GRIP1: variants seen among roughly 807,000 people sequenced by gnomAD.
GRIP1 encodes the protein glutamate receptor-interacting protein 1.
In GRIP1, 45 loss-of-function variants were observed where a neutral mutation model predicts 129.9. That is an observed-to-expected ratio of 0.35 (90% CI 0.27 to 0.44). GRIP1 has a LOEUF of 0.44. Among genes scored for constraint, GRIP1 ranks in the 20% least tolerant of loss-of-function variants. GRIP1 has a pLI of 1.00. For synonymous variants in GRIP1, 530 were observed against 520.8 expected (o/e 1.02, Z -0.24); for missense variants, 1,196 against 1,396.8 (o/e 0.86, Z 2.29).
chr12:66,589,493 A>C (rs1177641234), intron 2 of GRIP1, among the ~76,000 whole-genome samples: 1 of 152,188 alleles, frequency 6.6e-6, no homozygotes, highest in Non-Finnish European at 1.5e-5. Flanking sequence ...TCTTCTGAGA[A>C]GCATCTCATT....
chr12:66,716,282 T>C (rs2035884773), intron 1 of GRIP1, among the ~76,000 whole-genome samples: 2 of 152,034 alleles, frequency 1.3e-5, no homozygotes, highest in Admixed American at 1.3e-4. Context: ...GAATTTTTAA[T>C]TAGCAGGAAA....
intron 1 of GRIP1, among the ~76,000 whole-genome samples, chr12:66,924,948 C>A (rs565754790): frequency 6.6e-6 from 1 of 151,966 alleles, no homozygotes; most frequent in East Asian, 1.9e-4. Flanking sequence ...CTAGCCTGGG[C>A]GACAGAGCGA....
intron 14 of GRIP1, among the ~76,000 whole-genome samples, chr12:66,424,316 C>A (rs915028569): frequency 6.6e-6 from 1 of 152,134 alleles, no homozygotes; most frequent in African/African-American, 2.4e-5. Flanking sequence ...AATGTATTTT[C>A]TTTGTACCAA....
chr12:66,999,071 A>G (rs1196553269), intron 1 of GRIP1, among the ~76,000 whole-genome samples: 1 of 152,130 alleles, frequency 6.6e-6, no homozygotes, highest in Non-Finnish European at 1.5e-5. Context: ...TCTCTACCAC[A>G]TTCAGACATT....
chr12:66,480,313 T>G (rs1158137487), intron 7 of GRIP1, among the ~76,000 whole-genome samples: 1 of 152,110 alleles, frequency 6.6e-6, no homozygotes, highest in African/African-American at 2.4e-5. Context: ...CATTCACAAC[T>G]GCTACAAAGT....
Position 66,456,226 on chromosome 12 carries a change from C to A in GRIP1, c.1159G>T (p.Ala387Ser), listed in dbSNP as rs769183713. 7.8e-7 allele frequency: 1 copy of A among 1,289,598 alleles called. No individual in the cohort carries two copies. 79.9% of individuals were successfully genotyped at this position (1,289,598 alleles called of 1,614,324 possible). ...TYHPDHCRVP[A>S]LTFPKAPPPN... Reference sequence around the variant, plus strand: ...GGAGGTGCTTTCGGGAATGTCAGGGCTGGTACTCTGCAATGGTCAGGGTGG... The same window carrying A: ...GGAGGTGCTTTCGGGAATGTCAGGGATGGTACTCTGCAATGGTCAGGGTGG... Residue 387 changes from alanine to serine, a missense_variant, in exon 10 of 25, where the codon GCC (alanine) becomes TCC (serine). Physicochemically the swap from Ala to Ser is moderately conservative, Grantham distance 99 (BLOSUM62 1). Around this residue, in one of 5 missense-constraint regions of GRIP1, gnomAD observed 508 missense variants for 587.0 expected, o/e 0.87. Transcript: ENST00000359742.
chr12:66,885,015 T>G (rs2040541399), intron 1 of GRIP1, among the ~76,000 whole-genome samples: 1 of 152,146 alleles, frequency 6.6e-6, no homozygotes, highest in African/African-American at 2.4e-5. Flanking sequence ...ACTTAGAGGT[T>G]TTCTGCTGAA....
chr12:66,828,668 CATATTA>C lies in GRIP1; in HGVS notation c.59-231747_59-231742del, dbSNP rs2039461167. Among the ~76,000 whole-genome samples, 3 of 152,150 alleles carry C rather than the reference CATATTA, an allele frequency of 2.0e-5. No individual in the cohort carries two copies. The South Asian group carries it at 6.2e-4, about 32-fold the overall frequency. On this transcript the variant is annotated intron_variant, in intron 1 of 1. Transcript: ENST00000643019. Reference sequence around the variant, plus strand: ...AGTTTTATCTTTCTTTTGCAATAGACATATTAATATTAACACCTTCCCTTCAAAATT... The same window carrying C: ...AGTTTTATCTTTCTTTTGCAATAGACATATTAACACCTTCCCTTCAAAATT...
chr12:66,382,247 G>C (rs2056144627), intron 19 of GRIP1, among the ~76,000 whole-genome samples: 1 of 152,014 alleles, frequency 6.6e-6, no homozygotes, highest in South Asian at 2.1e-4. Flanking sequence ...AAAAGTAACT[G>C]GGCATGGTTA....
intron 1 of GRIP1, among the ~76,000 whole-genome samples, chr12:66,977,963 C>G (rs1188570835): frequency 6.6e-6 from 1 of 151,748 alleles, no homozygotes; most frequent in East Asian, 1.9e-4. Flanking sequence ...CACGTGCACA[C>G]TACCATAACT....
intron 23 of GRIP1, among the ~76,000 whole-genome samples, chr12:66,370,110 C>T (rs2055401901): frequency 6.6e-6 from 1 of 152,210 alleles, no homozygotes; most frequent in South Asian, 2.1e-4. Flanking sequence ...CTGCTTTTCT[C>T]TGTGCTTGGA....
chr12:66,454,609 C>T (rs768477598), intron 11 of GRIP1, among the ~76,000 whole-genome samples: 1 of 152,134 alleles, frequency 6.6e-6, no homozygotes, highest in Non-Finnish European at 1.5e-5. Context: ...ACCTTTTTTA[C>T]CCCTCTATTC....
intron 1 of GRIP1, among the ~76,000 whole-genome samples, chr12:66,885,494 T>C (rs2040550635): frequency 1.3e-5 from 2 of 152,120 alleles, no homozygotes; most frequent in South Asian, 4.1e-4. Flanking sequence ...GCGTACCTGA[T>C]TCTCAGAGAA....
chr12:66,603,952 T>C (rs2064393213), intron 1 of GRIP1, among the ~76,000 whole-genome samples: 1 of 152,238 alleles, frequency 6.6e-6, no homozygotes, highest in Admixed American at 6.5e-5. Flanking sequence ...GGTATTGAAT[T>C]ACTACCCCTT....
chr12:66,987,009 T>A (rs1249729426), intron 1 of GRIP1, among the ~76,000 whole-genome samples: 3 of 152,100 alleles, frequency 2.0e-5, no homozygotes, highest in Non-Finnish European at 2.9e-5. Flanking sequence ...GTTGGACAAA[T>A]ACAGGATTCA....
rs114045540 is a variant in GRIP1, at chr12:66,406,131, C to T, written c.1984+152G>A. 2.2e-3 allele frequency: 1,455 copies of T among 676,572 alleles called. 17 individuals carry two copies. In the African/African-American group the frequency reaches 0.024, roughly 11 times the overall value. 41.9% of individuals were successfully genotyped at this position (676,572 alleles called of 1,614,324 possible). On this transcript the variant is annotated intron_variant, in intron 16 of 24. Transcript: ENST00000359742. ...ACCATTATTTAAAATTTGTACTACA[C>T]TCTCAGCACAAAATTTAAAGACTCT...
intron 1 of GRIP1, among the ~76,000 whole-genome samples, chr12:66,619,745 C>CA (rs1183564036): frequency 2.0e-5 from 3 of 151,992 alleles, no homozygotes; most frequent in Admixed American, 2.0e-4. Context: ...AAAGTGGTTG[C>CA]AAAAAACAGA....
intron 1 of GRIP1, among the ~76,000 whole-genome samples, chr12:67,030,639 C>T (rs1431268809): frequency 6.6e-6 from 1 of 152,188 alleles, no homozygotes; most frequent in East Asian, 1.9e-4. Flanking sequence ...TTTCACCAAA[C>T]CTTCTGAGAA....
Position 66,818,217 on chromosome 12 carries a change from T to G in GRIP1, c.59-221290A>C, listed in dbSNP as rs112407161. On this transcript the variant is annotated intron_variant, in intron 1 of 1. Coordinates refer to the GRIP1 transcript ENST00000643019. Reference sequence around the variant, plus strand: ...TGAGTTATGCAGGTCTTCCAAATGTTAATACATTTCATGTTTCATTATACA... The same window carrying G: ...TGAGTTATGCAGGTCTTCCAAATGTGAATACATTTCATGTTTCATTATACA... 8.4e-3 allele frequency among the ~76,000 whole-genome samples: 1,284 copies of G among 152,342 alleles called. 14 individuals carry two copies. Among genetic ancestry groups the G allele is most frequent in the African/African-American group, 0.029 (1,218 of 41,586 alleles).
Sources: gnomAD v4.1 joint callset for allele counts (sites outside exome capture counted in the v4.1 genomes callset) on GRCh38, gnomAD v4.1.1 for gene constraint, gnomAD v4.1.1 regional missense constraint, MANE v1.5 for transcripts, NCBI Gene and HGNC (gene_info 2026-07-23, HGNC 2026-07-21) for gene names.